CSRNP3: variants seen among roughly 807,000 people sequenced by gnomAD.
CSRNP3 encodes cysteine and serine rich nuclear protein 3, also known as cysteine/serine-rich nuclear protein 3.
In CSRNP3, 12 loss-of-function variants were observed where a neutral mutation model predicts 48.0. The ratio of observed to expected loss-of-function variants is 0.25; its 90% confidence interval spans 0.16 to 0.41. CSRNP3 has a LOEUF of 0.41. Among genes scored for constraint, CSRNP3 ranks in the 10% least tolerant of loss-of-function variants. The probability of loss-of-function intolerance (pLI) is 1.00; values close to 1 mark genes in which losing one functional copy is unlikely to be tolerated. For synonymous variants in CSRNP3, 263 were observed against 269.7 expected (o/e 0.98, Z 0.24); for missense variants, 580 against 724.4 (o/e 0.80, Z 2.29).
intron 1 of CSRNP3, among the ~76,000 whole-genome samples, chr2:165,475,426 G>A (rs1683947794): frequency 6.6e-6 from 1 of 152,120 alleles, no homozygotes; most frequent in Non-Finnish European, 1.5e-5. Flanking sequence ...CATACAGGCA[G>A]GGCCAAGGAG....
At chr2:165,625,948 C>A (rs1007352296) in intron 4 of CSRNP3, among the ~76,000 whole-genome samples, 3 of 148,082 alleles carry the variant, frequency 2.0e-5, no homozygotes, top group African/African-American at 7.5e-5. Flanking sequence ...AATGACTGGG[C>A]ACAGTGGCTC....
At chr2:165,618,721 G>A (rs896079809) in intron 4 of CSRNP3, among the ~76,000 whole-genome samples, 8 of 152,268 alleles carry the variant, frequency 5.3e-5, no homozygotes, top group African/African-American at 1.2e-4. Context: ...ATTATAGAGC[G>A]CTAGAAATAA....
At chr2:165,582,714 C>A (rs1251642357) in intron 3 of CSRNP3, among the ~76,000 whole-genome samples, 1 of 152,168 alleles carries the variant, frequency 6.6e-6, no homozygotes, top group Non-Finnish European at 1.5e-5. Flanking sequence ...GGTACAATCA[C>A]CAGAGCAGAG....
At chr2:165,603,450 A>T (rs1051623336) in intron 4 of CSRNP3, among the ~76,000 whole-genome samples, 12 of 152,082 alleles carry the variant, frequency 7.9e-5, no homozygotes, top group Admixed American at 6.6e-4. Flanking sequence ...AACCAGACCA[A>T]TTCTCCTTCT....
At chr2:165,498,810 A>G (rs949001040) in intron 2 of CSRNP3, among the ~76,000 whole-genome samples, 1 of 152,140 alleles carries the variant, frequency 6.6e-6, no homozygotes, top group Non-Finnish European at 1.5e-5. Flanking sequence ...CATGAGATCC[A>G]AAATACATCA....
At chr2:165,512,481 G>T (rs1381956195) in intron 2 of CSRNP3, among the ~76,000 whole-genome samples, 1 of 152,180 alleles carries the variant, frequency 6.6e-6, no homozygotes, top group African/African-American at 2.4e-5. Context: ...TTGAATGGAA[G>T]AATCCATGGT....
chr2:165,642,562 CTT>C (rs36072196), intron 4 of CSRNP3, among the ~76,000 whole-genome samples: 26 of 135,178 alleles, frequency 1.9e-4, no homozygotes, highest in Non-Finnish European at 1.6e-4. Flanking sequence ...TATGCATATT[CTT>C]TTTTTTTTTT....
chr2:165,509,448 G>C lies in CSRNP3; in HGVS notation c.-112-8425G>C, dbSNP rs1574811638. 2.0e-5 allele frequency among the ~76,000 whole-genome samples: 3 copies of C among 152,114 alleles called. No individual in the cohort carries two copies. In the East Asian group the frequency reaches 5.8e-4, roughly 29 times the overall value. ...CAGGTAGTGGAAGTGAAAGATGTGG[G>C]GACTTGGCCTAAGGTGGTAGCTGTG... On this transcript the variant is annotated intron_variant, in intron 2 of 6. Transcript: ENST00000651982.
intron 3 of CSRNP3, among the ~76,000 whole-genome samples, chr2:165,578,869 T>C (rs1264007480): frequency 6.6e-6 from 1 of 152,070 alleles, no homozygotes; most frequent in Non-Finnish European, 1.5e-5. Flanking sequence ...TCCGGAGTTG[T>C]TTACACAATG....
chr2:165,599,330 G>GAAAGA (rs1685870720), intron 4 of CSRNP3, among the ~76,000 whole-genome samples: 1 of 78,608 alleles, frequency 1.3e-5, no homozygotes, highest in Non-Finnish European at 2.7e-5. Context: ...AGAAAGAAAG[G>GAAAGA]AAAAGAAAAA....
chr2:165,631,004 TC>T (rs768504095), intron 4 of CSRNP3, among the ~76,000 whole-genome samples: 11 of 152,232 alleles, frequency 7.2e-5, no homozygotes, highest in Non-Finnish European at 1.6e-4. Context: ...TTCATTATGT[TC>T]AAAAATAAGA....
chr2:165,520,759 A>G (rs1392307141), intron 3 of CSRNP3, among the ~76,000 whole-genome samples: 1 of 88,240 alleles, frequency 1.1e-5, no homozygotes, highest in Non-Finnish European at 2.0e-5. Flanking sequence ...AAATAGATAT[A>G]TAGAAATATA....
intron 4 of CSRNP3, among the ~76,000 whole-genome samples, chr2:165,603,783 A>C (rs555398001): frequency 2.6e-5 from 4 of 152,300 alleles, no homozygotes; most frequent in African/African-American, 7.2e-5. Flanking sequence ...CTACTTGTTA[A>C]TGCCACACAA....
intron 3 of CSRNP3, among the ~76,000 whole-genome samples, chr2:165,564,012 G>A (rs1347397703): frequency 6.6e-6 from 1 of 152,012 alleles, no homozygotes; most frequent in Non-Finnish European, 1.5e-5. Flanking sequence ...ACACCTAAAT[G>A]TGCCACCTCT....
chr2:165,588,820 A>G (rs1307039395), intron 3 of CSRNP3, among the ~76,000 whole-genome samples: 1 of 152,070 alleles, frequency 6.6e-6, no homozygotes, highest in Admixed American at 6.6e-5. Context: ...TTAGGTGGGC[A>G]TGGTGGTGGT....
At chr2:165,550,172 C>T (rs918624466) in intron 3 of CSRNP3, among the ~76,000 whole-genome samples, 1 of 152,008 alleles carries the variant, frequency 6.6e-6, no homozygotes, top group African/African-American at 2.4e-5. Context: ...ATAAAAAATC[C>T]ATCACATTTT....
intron 2 of CSRNP3, among the ~76,000 whole-genome samples, chr2:165,506,509 T>C (rs1030865944): frequency 6.6e-6 from 1 of 152,092 alleles, no homozygotes; most frequent in Non-Finnish European, 1.5e-5. Flanking sequence ...TTTATATTCA[T>C]AGCCCCCATG....
In CSRNP3 at chr2:165,679,481, G is replaced by A. The variant is rs1687492416; in HGVS notation, c.1486G>A (p.Ala496Thr). ...EAYGASHYPA[A>T]NPSVIVCCSS... ...CTATGGTGCCTCCCACTACCCAGCT[G>A]CCAACCCCTCTGTAATCGTTTGCTG... The change falls in exon 7 of 7, where the codon GCC (alanine) becomes ACC (threonine). Residue 496 changes from alanine to threonine, a missense_variant. By Grantham distance (58) the Ala-to-Thr change is moderately conservative. This residue lies in a region of CSRNP3 where 369 missense variants were observed against 380.8 expected (regional missense o/e 0.97). Coordinates refer to ENST00000651982, the MANE Select transcript of CSRNP3 (RefSeq NM_001172173.2). 1 of 1,613,370 alleles carries A rather than the reference G, an allele frequency of 6.2e-7. No individual in the cohort carries two copies. Among genetic ancestry groups the A allele is most frequent in the African/African-American group, 1.3e-5 (1 of 74,736 alleles).
chr2:165,671,303 G>T (rs1446427893), intron 5 of CSRNP3, among the ~76,000 whole-genome samples: 1 of 152,154 alleles, frequency 6.6e-6, no homozygotes, highest in Admixed American at 6.5e-5. Context: ...GGAAAAAAAT[G>T]GACAAAATGA....
Sources: allele counts gnomAD v4.1 joint callset (sites outside exome capture counted in the v4.1 genomes callset), GRCh38; gene constraint gnomAD v4.1.1; regional missense constraint gnomAD v4.1.1; transcripts MANE v1.5; gene names NCBI Gene and HGNC (gene_info 2026-07-23, HGNC 2026-07-21).